Variants in CTDP1 observed in about 807,000 individuals in gnomAD.
CTDP1 encodes CTD phosphatase 1.
Under a neutral mutation model 91.8 loss-of-function variants are expected in CTDP1, and 47 were observed. The observed-to-expected ratio is 0.51, with a 90% CI of 0.41 to 0.65. CTDP1 has a LOEUF of 0.65. CTDP1 is among the 30% of genes least tolerant of loss of function. The pLI is 0.00. For missense variants in CTDP1, 1,272 were observed against 1,373.7 expected (o/e 0.93, Z 1.17); for synonymous variants, 656 against 598.5 (o/e 1.10, Z -1.40).
rs748009889 is a variant in CTDP1, at chr18:79,714,910, C to T, written c.1450C>T (p.Arg484Trp). The T allele has an allele frequency of 1.9e-5, 30 of 1,567,090 alleles. No individual in the cohort carries two copies. The highest frequency in any genetic ancestry group is 1.6e-4 in the African/African-American group (12 of 74,284). Residue 484 changes from arginine to tryptophan, a missense_variant, in exon 8 of 13, where the codon CGG (arginine) becomes TGG (tryptophan). Physicochemically the swap from Arg to Trp is moderately radical, Grantham distance 101. This residue lies in a region of CTDP1 where 881 missense variants were observed against 911.6 expected (regional missense o/e 0.97). Coordinates refer to ENST00000613122, the MANE Select transcript of CTDP1 (RefSeq NM_004715.5). The part of the protein sequence containing the change: ...SDGESEGKRG[R>W]QKPKAAPEGA... ...TGGCGAAAGCGAGGGGAAAAGAGGC[C>T]GGCAGAAGCCGAAGGCTGCCCCAGA... is the stretch of plus-strand genomic sequence containing the variant.
chr18:79,710,646 G>T (rs370894073), intron 6 of CTDP1, among the ~76,000 whole-genome samples: 3 of 147,538 alleles, frequency 2.0e-5, no homozygotes, highest in East Asian at 4.0e-4. Context: ...TCAGCCTCCT[G>T]AGTAGCTAGG....
At chr18:79,684,273 C>A (rs1219533624) in intron 1 of CTDP1, among the ~76,000 whole-genome samples, 1 of 152,182 alleles carries the variant, frequency 6.6e-6, no homozygotes, top group Non-Finnish European at 1.5e-5. Flanking sequence ...TGCTCCAGAG[C>A]GTAGATTAGA....
intron 1 of CTDP1, chr18:79,685,254 A>C (rs939960520): frequency 2.0e-5 from 3 of 152,354 alleles, no homozygotes; most frequent in Admixed American, 2.0e-4. Context: ...TGTGGAGTAC[A>C]ATTATTTTAA....
At chr18:79,694,565 G>A (rs1289016644) in intron 1 of CTDP1, among the ~76,000 whole-genome samples, 2 of 148,510 alleles carry the variant, frequency 1.3e-5, no homozygotes, top group African/African-American at 5.0e-5. Flanking sequence ...AGGGTCAGGC[G>A]CTGAGTGCTG....
intron 4 of CTDP1, among the ~76,000 whole-genome samples, chr18:79,698,749 T>C (rs2085798982): frequency 6.6e-6 from 1 of 151,016 alleles, no homozygotes; most frequent in Non-Finnish European, 1.5e-5. Flanking sequence ...CAGAGGCCCA[T>C]CAGTTCTGAC....
At chr18:79,741,249 GT>G in intron 12 of CTDP1, among the ~76,000 whole-genome samples, 1 of 137,602 alleles carries the variant, frequency 7.3e-6, no homozygotes, top group Non-Finnish European at 1.6e-5. Flanking sequence ...CCCTGAGCCT[GT>G]GGTTGGGTGA....
At chr18:79,739,305 C>G (rs1034415075) in intron 12 of CTDP1, among the ~76,000 whole-genome samples, 2 of 152,216 alleles carry the variant, frequency 1.3e-5, no homozygotes, top group Non-Finnish European at 2.9e-5. Flanking sequence ...ATCCGTGTCT[C>G]CCCCTGTGGG....
At chr18:79,734,310 G>A (rs934550892) in intron 11 of CTDP1, among the ~76,000 whole-genome samples, 3 of 152,224 alleles carry the variant, frequency 2.0e-5, no homozygotes, top group Non-Finnish European at 2.9e-5. Context: ...TTCAGAAAGC[G>A]CAGTCACCTT....
At chr18:79,698,253 CG>C (rs1460297325) in intron 4 of CTDP1, among the ~76,000 whole-genome samples, 1 of 152,024 alleles carries the variant, frequency 6.6e-6, no homozygotes, top group Non-Finnish European at 1.5e-5. Flanking sequence ...CTGCCCGGCA[CG>C]ATGTCGGAGA....
intron 10 of CTDP1, among the ~76,000 whole-genome samples, chr18:79,720,111 TAGGA>T (rs2086306716): frequency 1.4e-5 from 2 of 146,208 alleles, no homozygotes; most frequent in Admixed American, 1.4e-4. Flanking sequence ...CTCCCATCAT[TAGGA>T]AGGCATCCTG....
intron 1 of CTDP1, 99 bp downstream of exon 1, chr18:79,680,360 C>T: frequency 2.0e-6 from 2 of 991,062 alleles, no homozygotes; most frequent in Non-Finnish European, 2.6e-6. Context: ...CAGGGGCGCC[C>T]CTGGTGAGGG....
At chr18:79,692,642 C>A (rs2085649097) in intron 1 of CTDP1, among the ~76,000 whole-genome samples, 1 of 152,184 alleles carries the variant, frequency 6.6e-6, no homozygotes, top group Non-Finnish European at 1.5e-5. Context: ...AAGGAGGAGC[C>A]CGCGGTGAGC....
At chr18:79,710,686 A>ATTTTTT (rs11306504) in intron 6 of CTDP1, among the ~76,000 whole-genome samples, 8 of 88,504 alleles carry the variant, frequency 9.0e-5, no homozygotes, top group African/African-American at 2.3e-4. Context: ...TCGCCCGGCA[A>ATTTTTT]TTTTTTTTTT....
chr18:79,690,360 T>C (rs2085594593), intron 1 of CTDP1, among the ~76,000 whole-genome samples: 1 of 152,258 alleles, frequency 6.6e-6, no homozygotes, highest in South Asian at 2.1e-4. Context: ...AAGTTGCATG[T>C]CATGGCTTTC....
rs373358727 is a variant in CTDP1 at position 79,713,019 on chromosome 18, G to A, written c.911G>A (p.Arg304Gln). The A allele has an allele frequency of 3.1e-6, 5 of 1,613,874 alleles. No individual in the cohort carries two copies. The highest frequency in any genetic ancestry group is 1.3e-5 in the African/African-American group (1 of 74,844). Residue 304 changes from arginine (R) to glutamine (Q), a missense_variant, in exon 7 of 13, where the codon CGA becomes CAA. Arg to Gln is a conservative substitution (Grantham distance 43). Coordinates refer to ENST00000613122, the MANE Select transcript of CTDP1 (RefSeq NM_004715.5). This position sits in a 1 kb window ranked among gnomAD's most constrained non-coding sequence, Gnocchi z 4.7. ...TCAATGGTTTGCATTATTGATGATC[G>A]AGAAGATGTCTGGAAGTTTGCCCCC... ...GDSMVCIIDDREDVWKFAPNL... is the reference protein window; with the variant it reads ...GDSMVCIIDDQEDVWKFAPNL...
chr18:79,710,133 T>C (rs1044540146), intron 5 of CTDP1, among the ~76,000 whole-genome samples: 12 of 152,202 alleles, frequency 7.9e-5, no homozygotes, highest in Admixed American at 2.6e-4. Flanking sequence ...TAAACACTTA[T>C]CAACATGGTT....
At chr18:79,740,952 A>C (rs1319906945) in intron 12 of CTDP1, among the ~76,000 whole-genome samples, 1 of 152,106 alleles carries the variant, frequency 6.6e-6, no homozygotes, top group Non-Finnish European at 1.5e-5. Context: ...CGCCCAGGTG[A>C]GGTGAGGTCT....
At chr18:79,750,472 G>A (rs1156531195) in intron 12 of CTDP1, among the ~76,000 whole-genome samples, 1 of 151,552 alleles carries the variant, frequency 6.6e-6, no homozygotes, top group East Asian at 1.9e-4. Context: ...AGGTATTAGG[G>A]CGTGCACTTC....
chr18:79,749,505 C>CGCACTCCCGAGGCCT (rs1443545709), intron 12 of CTDP1, among the ~76,000 whole-genome samples: 2 of 9,570 alleles, frequency 2.1e-4, no homozygotes, highest in African/African-American at 2.9e-4. Context: ...GGGTCGCGCC[C>CGCACTCCCGAGGCCT]CGTGCACACG....
Sources: gnomAD v4.1 joint callset for allele counts (sites outside exome capture counted in the v4.1 genomes callset) on GRCh38, gnomAD v4.1.1 for gene constraint, gnomAD v4.1.1 regional missense constraint, Gnocchi (gnomAD v3.1) non-coding constraint, MANE v1.5 for transcripts, NCBI Gene and HGNC (gene_info 2026-07-23, HGNC 2026-07-21) for gene names.